POLE2: variants seen among roughly 807,000 people sequenced by gnomAD.
POLE2 encodes DNA polymerase epsilon 2, accessory subunit.
A neutral mutation model predicts 79.4 loss-of-function variants in POLE2; 56 were observed. The ratio of observed to expected loss-of-function variants is 0.71; its 90% CI spans 0.57 to 0.88. The LOEUF (loss-of-function observed/expected upper bound fraction) is 0.88, where lower values mean the gene tolerates loss of function less well. POLE2 is among the 40% of genes least tolerant of loss of function. The pLI is 0.00. For missense variants in POLE2, 598 were observed against 638.9 expected, an observed-to-expected ratio of 0.94 and a Z score of 0.69; for synonymous variants, 212 against 214.0, an observed-to-expected ratio of 0.99 and a Z score of 0.08.
At chr14:49,645,043 C>CAAAAATAAAAAAAAAA (rs1883661956) in intron 18 of POLE2, among the ~76,000 whole-genome samples, 1 of 88,320 alleles carries the variant, frequency 1.1e-5, no homozygotes, top group Non-Finnish European at 2.4e-5. Flanking sequence ...CTCCGTCTCA[C>CAAAAATAAAAAAAAAA]AAAAAAAAAA....
intron 2 of POLE2, among the ~76,000 whole-genome samples, chr14:49,681,685 A>G (rs943367129): frequency 1.3e-5 from 2 of 151,986 alleles, no homozygotes; most frequent in Admixed American, 6.6e-5. Flanking sequence ...GGGACAGAAG[A>G]ATCGCTTGAA....
chr14:49,646,302 G>GTTTTTTTTTTTTTTTTTGTTT (rs1883759651), intron 18 of POLE2, among the ~76,000 whole-genome samples: 1 of 84,554 alleles, frequency 1.2e-5, no homozygotes, highest in African/African-American at 5.9e-5. Context: ...TTTTTTGTTG[G>GTTTTTTTTTTTTTTTTTGTTT]TTTTTTTTTT....
At chr14:49,682,786 T>C (rs1886826542) in intron 2 of POLE2, among the ~76,000 whole-genome samples, 1 of 151,806 alleles carries the variant, frequency 6.6e-6, no homozygotes, top group Non-Finnish European at 1.5e-5. Context: ...CCCTTTAACT[T>C]AGACTTACAA....
chr14:49,674,558 T>G, intron 3 of POLE2, 131 bp from the exon 4 acceptor site: 1 of 603,132 alleles, frequency 1.7e-6, no homozygotes, highest in Non-Finnish European at 2.9e-6. Flanking sequence ...GCACACAATT[T>G]CTTTTTCTTT....
At chr14:49,666,196 T>A (rs1594589280) in intron 7 of POLE2, 134 bp downstream of exon 7, 2 of 630,550 alleles carry the variant, frequency 3.2e-6, no homozygotes, top group South Asian at 3.7e-5. Context: ...TTACCACTAT[T>A]CCAATATTGT....
intron 10 of POLE2, among the ~76,000 whole-genome samples, chr14:49,657,986 A>G (rs1884820672): frequency 6.6e-6 from 1 of 152,094 alleles, no homozygotes; most frequent in Admixed American, 6.6e-5. Flanking sequence ...GTGAGATTCA[A>G]ATGCCCCCTC....
intron 7 of POLE2, 122 bp downstream of exon 7, chr14:49,666,206 TTC>T (rs1885480674): frequency 3.1e-6 from 2 of 638,500 alleles, no homozygotes; most frequent in African/African-American, 1.9e-5. Flanking sequence ...TCCAATATTG[TTC>T]TGTTGGTGAG....
chr14:49,650,672 A>G (rs954840841), intron 16 of POLE2, among the ~76,000 whole-genome samples: 45 of 152,216 alleles, frequency 3.0e-4, no homozygotes, highest in African/African-American at 9.9e-4. Flanking sequence ...CATATACATC[A>G]TTATGCTGCC....
intron 13 of POLE2, 51 bp downstream of exon 13, chr14:49,654,733 T>A: frequency 6.8e-7 from 1 of 1,473,092 alleles, no homozygotes. Context: ...CATTTTTTGT[T>A]TTTTTTTTAA....
At chr14:49,686,562 A>C (rs761538310) in intron 1 of POLE2, among the ~76,000 whole-genome samples, 12 of 152,156 alleles carry the variant, frequency 7.9e-5, no homozygotes, top group Non-Finnish European at 1.6e-4. Context: ...TTCCTAACCC[A>C]CAGAAAATTT....
At chr14:49,647,660 G>A (rs781633478) in intron 17 of POLE2, among the ~76,000 whole-genome samples, 3 of 152,066 alleles carry the variant, frequency 2.0e-5, no homozygotes, top group South Asian at 4.1e-4. Context: ...GTTTCACTGT[G>A]TTGCCCAGGC....
intron 10 of POLE2, among the ~76,000 whole-genome samples, chr14:49,658,542 T>C (rs183875252): frequency 2.7e-4 from 41 of 152,338 alleles, no homozygotes; most frequent in African/African-American, 9.4e-4. Context: ...AAAAACATTT[T>C]AGCACAAATC....
At chr14:49,645,262 TCAC>T (rs56186977) in intron 18 of POLE2, among the ~76,000 whole-genome samples, 34,527 of 151,918 alleles carry the variant, frequency 0.23, 4,195 homozygotes, top group Admixed American at 0.3. Context: ...CTCCAAAACA[TCAC>T]CAATATTGTG....
chr14:49,669,945 A>G (rs1044659844), intron 5 of POLE2, among the ~76,000 whole-genome samples: 3 of 152,200 alleles, frequency 2.0e-5, no homozygotes, highest in African/African-American at 7.2e-5. Flanking sequence ...ACTGTACCCC[A>G]GGCCAAAGGG....
At chr14:49,660,261 A>G (rs1170325333) in intron 10 of POLE2, among the ~76,000 whole-genome samples, 1 of 152,216 alleles carries the variant, frequency 6.6e-6, no homozygotes, top group Non-Finnish European at 1.5e-5. Context: ...AGTGGGCTAT[A>G]TCATCTAGGT....
chr14:49,669,667 G>A (rs183144363), intron 5 of POLE2, 69 bp from the exon 6 acceptor site: 8,681 of 805,736 alleles, frequency 0.011, 79 homozygotes, highest in Middle Eastern at 0.014. Context: ...TTAAAATAGT[G>A]CCCTGATGAA....
intron 3 of POLE2, among the ~76,000 whole-genome samples, chr14:49,675,719 C>T (rs957920598): frequency 6.8e-6 from 1 of 146,280 alleles, no homozygotes; most frequent in East Asian, 2.0e-4. Flanking sequence ...AGCCACCATG[C>T]CCAACCCCAA....
In POLE2 at chr14:49,652,150, G is replaced by A. The variant is rs1029288393; in HGVS notation, c.1212-773C>T. ...CTTTACAGGATCACTTTCACACTGC[G>A]TTAAGAATAGAATACGGAGAGGAGA... On this transcript the variant is annotated intron_variant, in intron 15 of 18. Coordinates refer to ENST00000216367, the MANE Select transcript of POLE2 (RefSeq NM_002692.4). Among the ~76,000 whole-genome samples, 7 of 148,474 alleles carry A rather than the reference G, an allele frequency of 4.7e-5. No homozygotes were observed. The East Asian group carries it at 5.9e-4, about 12-fold the overall frequency.
chr14:49,677,754 C>T (rs373221696), intron 3 of POLE2: 72 of 1,320,708 alleles, frequency 5.5e-5, no homozygotes, highest in African/African-American at 2.7e-4. Context: ...CAAAGCCCCA[C>T]GCATTCTTCA....
Sources: gnomAD v4.1 joint callset for allele counts (sites outside exome capture counted in the v4.1 genomes callset) on GRCh38, gnomAD v4.1.1 for gene constraint, MANE v1.5 for transcripts, NCBI Gene and HGNC (gene_info 2026-07-23, HGNC 2026-07-21) for gene names.